LRMDA: variants seen among roughly 807,000 people sequenced by gnomAD.
LRMDA encodes the protein leucine rich melanocyte differentiation associated.
Under a neutral mutation model 29.8 loss-of-function variants are expected in LRMDA, and 18 were observed. The observed-to-expected ratio is 0.60, with a 90% CI of 0.42 to 0.90. LRMDA has a LOEUF of 0.90. Among genes scored for constraint, LRMDA ranks in the 40% least tolerant of loss-of-function variants. The pLI, the probability that LRMDA is intolerant of heterozygous loss-of-function variation, is 0.00. For missense variants in LRMDA, 273 were observed against 273.9 expected (o/e 1.00, Z 0.02); for synonymous variants, 125 against 109.4 (o/e 1.14, Z -0.89).
intron 5 of LRMDA, among the ~76,000 whole-genome samples, chr10:76,124,417 TG>T (rs1203621284): frequency 6.6e-6 from 1 of 152,244 alleles, no homozygotes; most frequent in Admixed American, 6.5e-5. Context: ...TTTCTCAGGC[TG>T]CCTTTCTTTC....
intron 2 of LRMDA, among the ~76,000 whole-genome samples, chr10:75,946,006 C>G (rs930681275): frequency 6.6e-6 from 1 of 152,196 alleles, no homozygotes; most frequent in Non-Finnish European, 1.5e-5. Context: ...GTCCCTTTCT[C>G]TGTCTGCTAG....
At chr10:75,634,330 C>T (rs1428214394) in intron 2 of LRMDA, among the ~76,000 whole-genome samples, 1 of 152,208 alleles carries the variant, frequency 6.6e-6, no homozygotes, top group East Asian at 1.9e-4. Flanking sequence ...ATTAAGCATT[C>T]TATTTTCTCC....
rs142397716 is a variant in LRMDA at position 75,984,296 on chromosome 10, C to G, written c.132-51712C>G. ...GTGCCCTGCGGGGAGGATATCCAAA[C>G]CAGCAGGTGGAGGAGGAGAAAGAGA... On this transcript the variant is annotated intron_variant, in intron 2 of 6. Coordinates refer to ENST00000611255, the MANE Select transcript of LRMDA (RefSeq NM_001305581.2). 9.3e-4 allele frequency among the ~76,000 whole-genome samples: 141 copies of G among 152,308 alleles called. 5 individuals are homozygous for G. The East Asian group carries it at 0.019, about 20-fold the overall frequency.
chr10:76,161,320 C>T (rs1236626568), intron 5 of LRMDA, among the ~76,000 whole-genome samples: 2 of 152,174 alleles, frequency 1.3e-5, no homozygotes, highest in East Asian at 1.9e-4. Flanking sequence ...AAGCCTCACA[C>T]GTTGTACTTG....
chr10:76,443,017 C>G (rs757073434), intron 6 of LRMDA, among the ~76,000 whole-genome samples: 2 of 152,112 alleles, frequency 1.3e-5, no homozygotes, highest in Admixed American at 6.5e-5. Context: ...TCTTATTTAA[C>G]TGATGAGGAA....
chr10:75,732,676 G>A (rs1186529178), intron 2 of LRMDA, among the ~76,000 whole-genome samples: 1 of 152,154 alleles, frequency 6.6e-6, no homozygotes, highest in Non-Finnish European at 1.5e-5. Context: ...CAGCCTGCAT[G>A]TCCAGACTGC....
intron 2 of LRMDA, among the ~76,000 whole-genome samples, chr10:75,623,068 C>T (rs115212580): frequency 0.016 from 2,475 of 152,272 alleles, 66 homozygotes; most frequent in African/African-American, 0.055. Flanking sequence ...ATATATAACT[C>T]TGGGGCCATA....
intron 2 of LRMDA, among the ~76,000 whole-genome samples, chr10:75,723,762 A>G (rs1263214525): frequency 6.6e-6 from 1 of 152,232 alleles, no homozygotes; most frequent in Non-Finnish European, 1.5e-5. Flanking sequence ...GCACTGATGT[A>G]TGGTGTAGCG....
intron 2 of LRMDA, among the ~76,000 whole-genome samples, chr10:76,003,159 C>T (rs926773389): frequency 1.3e-5 from 2 of 152,134 alleles, no homozygotes; most frequent in East Asian, 1.9e-4. Context: ...GAACAGGGAG[C>T]GCCACCCCTG....
At chr10:75,494,326 G>A (rs993092011) in intron 2 of LRMDA, among the ~76,000 whole-genome samples, 4 of 152,010 alleles carry the variant, frequency 2.6e-5, no homozygotes, top group Non-Finnish European at 5.9e-5. Context: ...GGGTAGTTGG[G>A]GCTAGTTAGA....
chr10:76,223,102 T>A (rs888484256), intron 5 of LRMDA, among the ~76,000 whole-genome samples: 46 of 145,054 alleles, frequency 3.2e-4, no homozygotes, highest in Admixed American at 2.0e-3. Flanking sequence ...AACATCACAC[T>A]GTGGGGACTG....
intron 2 of LRMDA, among the ~76,000 whole-genome samples, chr10:75,687,623 C>T (rs1372183847): frequency 1.3e-5 from 2 of 152,202 alleles, no homozygotes; most frequent in African/African-American, 4.8e-5. Context: ...GCAAGTTATC[C>T]AGAAGATCTG....
At chr10:75,434,568 T>A (rs1173869733) in intron 1 of LRMDA, among the ~76,000 whole-genome samples, 3 of 152,190 alleles carry the variant, frequency 2.0e-5, no homozygotes, top group Non-Finnish European at 2.9e-5. Flanking sequence ...TCCGACAGCT[T>A]CCAGTACCAC....
intron 6 of LRMDA, among the ~76,000 whole-genome samples, chr10:76,421,580 T>C (rs946189912): frequency 2.0e-5 from 3 of 152,224 alleles, no homozygotes; most frequent in Non-Finnish European, 2.9e-5. Context: ...GTCTCAATTA[T>C]GTCTCATTTG....
At chr10:76,524,788 A>T (rs1000045254) in intron 6 of LRMDA, among the ~76,000 whole-genome samples, 1 of 152,246 alleles carries the variant, frequency 6.6e-6, no homozygotes, top group Admixed American at 6.5e-5. Context: ...TGGCAGTGCC[A>T]TCTCGCTGGA....
intron 2 of LRMDA, among the ~76,000 whole-genome samples, chr10:75,729,026 C>T (rs1358025790): frequency 6.6e-6 from 1 of 152,152 alleles, no homozygotes; most frequent in Non-Finnish European, 1.5e-5. Flanking sequence ...AAAAGGCTGC[C>T]TTCTCTGGGA....
chr10:75,683,945 C>T (rs1842053534), intron 2 of LRMDA, among the ~76,000 whole-genome samples: 1 of 152,180 alleles, frequency 6.6e-6, no homozygotes, highest in South Asian at 2.1e-4. Context: ...CCTCCTGCCC[C>T]ACCAGAGTTT....
At chr10:75,663,387 A>G (rs553030923) in intron 2 of LRMDA, among the ~76,000 whole-genome samples, 1 of 152,314 alleles carries the variant, frequency 6.6e-6, no homozygotes, top group African/African-American at 2.4e-5. Context: ...TGTCTAATTT[A>G]ACCAGTCTGA....
chr10:76,084,535 A>G (rs1284571121), intron 5 of LRMDA, among the ~76,000 whole-genome samples: 2 of 152,002 alleles, frequency 1.3e-5, no homozygotes, highest in Non-Finnish European at 2.9e-5. Context: ...TTTTCAAACC[A>G]GAAAGATATT....
Sources: gnomAD v4.1 joint callset for allele counts (sites outside exome capture counted in the v4.1 genomes callset) on GRCh38, gnomAD v4.1.1 for gene constraint, MANE v1.5 for transcripts, NCBI Gene and HGNC (gene_info 2026-07-23, HGNC 2026-07-21) for gene names.